Variants in CPD observed in about 807,000 individuals in gnomAD.
CPD encodes metallocarboxypeptidase D.
A neutral mutation model predicts 138.3 loss-of-function variants in CPD; 69 were observed. The observed-to-expected ratio is 0.50, with a 90% confidence interval of 0.41 to 0.61. The LOEUF is 0.61. Ranked by LOEUF, CPD falls within the 20% of genes least tolerant of loss-of-function variation. The pLI, the probability that CPD is intolerant of heterozygous loss-of-function variation, is 0.00. For missense variants in CPD, 1,432 were observed against 1,733.3 expected (o/e 0.83, Z 3.09); for synonymous variants, 651 against 642.1 (o/e 1.01, Z -0.21).
In CPD at chr17:30,379,325, C is replaced by T. The variant is rs189835367; in HGVS notation, c.345C>T (p.Asp115=). ...SLIPEGDAGP[D]AAGPDAAGPL... Reference sequence around the variant, plus strand: ...TCCCTGAGGGCGACGCGGGGCCTGACGCTGCCGGGCCCGACGCTGCGGGGC... The same window carrying T: ...TCCCTGAGGGCGACGCGGGGCCTGATGCTGCCGGGCCCGACGCTGCGGGGC... Residue 115 remains aspartate (D), a synonymous_variant, in exon 1 of 21, where the codon GAC becomes GAT. Coordinates refer to ENST00000225719, the MANE Select transcript of CPD (RefSeq NM_001304.5). The surrounding 1 kb of genome is among the most constrained non-coding windows in gnomAD (Gnocchi z 7.0). 1.8e-3 allele frequency: 2,646 copies of T among 1,490,588 alleles called. 99 individuals carry two copies. The Admixed American group carries it at 0.053, about 30-fold the overall frequency. The allele number at this position is 1,490,588 out of a possible 1,614,324, so 92.3% of individuals were successfully genotyped here.
intron 2 of CPD, among the ~76,000 whole-genome samples, chr17:30,402,629 T>G (rs1046671657): frequency 6.6e-6 from 1 of 152,196 alleles, no homozygotes; most frequent in Admixed American, 6.5e-5. Flanking sequence ...TAATAACTGC[T>G]TTAAGGTTAG....
At chr17:30,450,684 C>T (rs894627876) in intron 13 of CPD, among the ~76,000 whole-genome samples, 2 of 152,098 alleles carry the variant, frequency 1.3e-5, no homozygotes, top group Admixed American at 1.3e-4. Context: ...CAGAGTGATA[C>T]CTTGTCTCTA....
chr17:30,418,164 C>T (rs1357839866), intron 2 of CPD, among the ~76,000 whole-genome samples: 1 of 149,950 alleles, frequency 6.7e-6, no homozygotes, highest in South Asian at 2.1e-4. Flanking sequence ...CCCATAATAT[C>T]TCTATTATTA....
intron 13 of CPD, chr17:30,450,347 A>C (rs1352659465): frequency 6.6e-6 from 1 of 152,370 alleles, no homozygotes; most frequent in African/African-American, 2.4e-5. Flanking sequence ...GGCGTGAGCC[A>C]TGGCGCCTGG....
At chr17:30,433,475 A>G (rs746864248) in intron 8 of CPD, among the ~76,000 whole-genome samples, 4 of 152,196 alleles carry the variant, frequency 2.6e-5, no homozygotes, top group Non-Finnish European at 4.4e-5. Flanking sequence ...TACCTTTTCA[A>G]TGATTCTCCT....
chr17:30,428,853 T>C (rs1224984172), intron 7 of CPD, among the ~76,000 whole-genome samples: 2 of 150,342 alleles, frequency 1.3e-5, no homozygotes, highest in Non-Finnish European at 3.0e-5. Context: ...GTGAATTGCA[T>C]GGTATTTGAA....
Position 30,451,836 on chromosome 17 carries a change from A to T in CPD, c.3195A>T (p.Thr1065=), listed in dbSNP as rs750452760. The T allele has an allele frequency of 6.2e-7, 1 of 1,614,026 alleles. No individual in the cohort carries two copies. ...QTNARGKDLD[T]DFTNNASQPE... ...ATGCTCGTGGCAAAGATTTGGATAC[A>T]GACTTCACAAGTAAGACTAATTTTT... Residue 1065 remains threonine, a synonymous_variant, in exon 14 of 21, where the codon ACA becomes ACT. Coordinates refer to ENST00000225719, the MANE Select transcript of CPD (RefSeq NM_001304.5).
chr17:30,445,000 G>T (rs1912988631), intron 11 of CPD, among the ~76,000 whole-genome samples: 1 of 152,006 alleles, frequency 6.6e-6, no homozygotes, highest in African/African-American at 2.4e-5. Context: ...AGCAGCAGGG[G>T]ATCCGAGAAA....
At position 30,420,824 on chromosome 17, in the gene CPD, T is replaced by A. The variant is rs1367216572; in HGVS notation, c.995-17T>A. 2 of 1,599,592 alleles carry A rather than the reference T, an allele frequency of 1.3e-6. No homozygotes were observed. Among genetic ancestry groups the A allele is most frequent in the African/African-American group, 2.7e-5 (2 of 74,626 alleles). On this transcript the variant is annotated splice_polypyrimidine_tract_variant and intron_variant, in intron 2 of 20. Coordinates refer to ENST00000225719, the MANE Select transcript of CPD (RefSeq NM_001304.5). ...TATTTTCCTTCTGAGAGTAAACTTA[T>A]TTTTTCTATGTTACAGGTGGTATGC...
intron 2 of CPD, among the ~76,000 whole-genome samples, chr17:30,396,780 G>T (rs1911520374): frequency 6.6e-6 from 1 of 152,150 alleles, no homozygotes; most frequent in Non-Finnish European, 1.5e-5. Context: ...ACTGGTAAAT[G>T]AATGGTAGGT....
At chr17:30,427,336 G>T in intron 6 of CPD, 55 bp from the exon 7 acceptor site, 3 of 1,538,512 alleles carry the variant, frequency 1.9e-6, no homozygotes, top group Non-Finnish European at 2.7e-6. Flanking sequence ...GTACGTGTTG[G>T]AATAAAATAT....
In CPD at chr17:30,380,296, G is replaced by A. The variant is rs560709127; in HGVS notation, c.746+570G>A. ...CCCGATAGTCCTCTTAGCCACGGAG[G>A]GACACTGGAGCCCAAAAATGGCAGA... On this transcript the variant is annotated intron_variant, in intron 1 of 20. Transcript: ENST00000225719. The A allele has an allele frequency of 9.8e-4, 198 of 201,368 alleles. 1 individual carries two copies. The highest frequency in any genetic ancestry group is 5.8e-5 in the Non-Finnish European group (6 of 102,698). The allele number at this position is 201,368 out of a possible 1,614,324, so 12.5% of individuals were successfully genotyped here. A position where few individuals can be genotyped will look rare whatever the true frequency, so the allele number is the denominator to read the frequency against.
At position 30,379,568 on chromosome 17, in the gene CPD, C is replaced by A. The variant is rs754984161; in HGVS notation, c.588C>A (p.Gly196=). The A allele has an allele frequency of 6.5e-7, 1 of 1,529,584 alleles. No individual in the cohort carries two copies. Among genetic ancestry groups the A allele is most frequent in the South Asian group, 1.2e-5 (1 of 81,958 alleles). The allele number at this position is 1,529,584 out of a possible 1,614,324, so 94.8% of individuals were successfully genotyped here. ...GFERAREGDC[G]FGDGGPSGAS... ...AGCGTGCCCGCGAGGGCGACTGTGG[C>A]TTCGGCGACGGCGGCCCGTCCGGGG... Residue 196 remains glycine, a synonymous_variant, in exon 1 of 21, where the codon GGC becomes GGA. Transcript: ENST00000225719. This position sits in a 1 kb window ranked among gnomAD's most constrained non-coding sequence, Gnocchi z 7.0.
rs148834529 is a variant in CPD, at chr17:30,427,546, A to G, written c.2005A>G (p.Asn669Asp). The change falls in exon 7 of 21, where the codon AAC (asparagine) becomes GAC (aspartate). Residue 669 changes from asparagine to aspartate, a missense_variant. Physicochemically the swap from Asn to Asp is conservative, Grantham distance 23. This residue lies in a region of CPD where 297 missense variants were observed against 405.3 expected (regional missense o/e 0.73). Transcript: ENST00000225719. ...MKSYPFVLSA[N>D]LHGGSLVVNY... ...GTCCTATCCATTTGTACTTTCAGCA[A>G]ACCTGCATGGAGGTATGGCAACTTT... 23 of 1,614,030 alleles carry G rather than the reference A, an allele frequency of 1.4e-5. No homozygotes were observed. Among genetic ancestry groups the G allele is most frequent in the Admixed American group, 3.3e-5 (2 of 60,018 alleles).
chr17:30,426,178 C>T (rs527285343), intron 6 of CPD, among the ~76,000 whole-genome samples: 80 of 134,218 alleles, frequency 6.0e-4, no homozygotes, highest in Middle Eastern at 4.2e-3. Context: ...CCAGCCTGGG[C>T]GACAAGGCGA....
At chr17:30,394,891 G>A (rs1484316896) in intron 2 of CPD, among the ~76,000 whole-genome samples, 1 of 125,380 alleles carries the variant, frequency 8.0e-6, no homozygotes, top group African/African-American at 3.2e-5. Flanking sequence ...AAGCGAGTGA[G>A]CATGTGTGTA....
At position 30,379,284 on chromosome 17, in the gene CPD, G is replaced by A; in HGVS notation, c.304G>A (p.Gly102Ser). The change falls in exon 1 of 21, where the codon GGC becomes AGC. Residue 102 changes from glycine (G) to serine (S), a missense_variant. Transcript: ENST00000225719. The surrounding 1 kb of genome is among the most constrained non-coding windows in gnomAD (Gnocchi z 7.0). ...GCTGTGGGTGCTTCGCCTCACCGCC[G>A]GCCTGGGGTCGCTAATCCCTGAGGG... ...RPLWVLRLTAGLGSLIPEGDA... is the reference protein window; with the variant it reads ...RPLWVLRLTASLGSLIPEGDA... 1 of 1,509,322 alleles carries A rather than the reference G, an allele frequency of 6.6e-7. No homozygotes were observed. The highest frequency in any genetic ancestry group is 8.8e-7 in the Non-Finnish European group (1 of 1,135,632). 93.5% of individuals were successfully genotyped at this position (1,509,322 alleles called of 1,614,324 possible).
At chr17:30,405,121 C>T (rs1403642615) in intron 2 of CPD, among the ~76,000 whole-genome samples, 1 of 152,064 alleles carries the variant, frequency 6.6e-6, no homozygotes, top group African/African-American at 2.4e-5. Flanking sequence ...TAAATACAGT[C>T]ACAGAAACCG....
chr17:30,457,047 A>T (rs1445440613), intron 17 of CPD, among the ~76,000 whole-genome samples: 2 of 152,062 alleles, frequency 1.3e-5, no homozygotes, highest in Non-Finnish European at 2.9e-5. Flanking sequence ...GACATTAATT[A>T]AATGTTGTGC....
Sources: allele counts gnomAD v4.1 joint callset (sites outside exome capture counted in the v4.1 genomes callset), GRCh38; gene constraint gnomAD v4.1.1; regional missense constraint gnomAD v4.1.1; non-coding constraint Gnocchi (gnomAD v3.1); transcripts MANE v1.5; gene names NCBI Gene and HGNC (gene_info 2026-07-23, HGNC 2026-07-21).